GPR174: variants seen among roughly 807,000 people sequenced by gnomAD.
The protein encoded by GPR174 is probable G protein-coupled receptor 174.
In GPR174, 8 loss-of-function variants were observed where a neutral mutation model predicts 16.5. The ratio of observed to expected loss-of-function variants is 0.48; its 90% CI spans 0.28 to 0.87. The LOEUF (loss-of-function observed/expected upper bound fraction) is 0.87. GPR174 is among the 40% of genes least tolerant of loss of function. GPR174 has a pLI of 0.09. For synonymous variants in GPR174, 111 were observed against 94.8 expected, an observed-to-expected ratio of 1.17 and a Z score of -0.99; for missense variants, 214 against 247.5, an observed-to-expected ratio of 0.86 and a Z score of 0.91.
intron 2 of GPR174, among the ~76,000 whole-genome samples, chrX:79,164,330 A>T (rs1226701409): frequency 8.9e-6 from 1 of 111,839 alleles, no homozygotes; most frequent in Non-Finnish European, 1.9e-5. Context: ...ACCATGTAGG[A>T]GATGCATTAG....
chrX:79,153,112 G>T (rs1368530120), intron 1 of GPR174, among the ~76,000 whole-genome samples: 1 of 112,325 alleles, frequency 8.9e-6, no homozygotes, highest in Non-Finnish European at 1.9e-5. Flanking sequence ...CAGAAATGCT[G>T]TATGGAATAG....
chrX:79,166,948 C>G (rs1203645829), intron 2 of GPR174, among the ~76,000 whole-genome samples: 1 of 111,597 alleles, frequency 9.0e-6, no homozygotes, highest in Non-Finnish European at 1.9e-5. Context: ...CACAAATAAA[C>G]TGCTTTGGGA....
At chrX:79,166,734 C>T (rs1176448261) in intron 2 of GPR174, among the ~76,000 whole-genome samples, 1 of 110,703 alleles carries the variant, frequency 9.0e-6, no homozygotes, top group East Asian at 2.8e-4. Context: ...TGCGCCCGGC[C>T]TAAAGGGTTC....
intron 2 of GPR174, among the ~76,000 whole-genome samples, chrX:79,158,793 A>C (rs1223673166): frequency 5.6e-5 from 6 of 106,246 alleles, no homozygotes; most frequent in African/African-American, 1.0e-4. Context: ...AAAAAAAAAA[A>C]CAGTTAAAAA....
intron 2 of GPR174, among the ~76,000 whole-genome samples, chrX:79,168,821 A>T (rs1602343689): frequency 9.0e-6 from 1 of 111,210 alleles, no homozygotes; most frequent in East Asian, 2.8e-4. Flanking sequence ...GAAGGGAGAA[A>T]GTTTTAAGGT....
chrX:79,151,213 C>A (rs1401348908), intron 1 of GPR174, among the ~76,000 whole-genome samples: 1 of 111,201 alleles, frequency 9.0e-6, no homozygotes, highest in Non-Finnish European at 1.9e-5. Flanking sequence ...GTACACTTAA[C>A]GATATACTAA....
chrX:79,147,717 G>T (rs965288730), intron 1 of GPR174, among the ~76,000 whole-genome samples: 1 of 110,738 alleles, frequency 9.0e-6, no homozygotes, highest in Non-Finnish European at 1.9e-5. Context: ...AGGGTATCTT[G>T]TCTGACAGAA....
chrX:79,148,724 T>C (rs775352612), intron 1 of GPR174, among the ~76,000 whole-genome samples: 1 of 111,367 alleles, frequency 9.0e-6, no homozygotes, highest in East Asian at 2.8e-4. Flanking sequence ...TTTTGACTCG[T>C]CTGGAACTCC....
chrX:79,157,994 C>T (rs1263151077), intron 2 of GPR174, among the ~76,000 whole-genome samples: 3 of 108,001 alleles, frequency 2.8e-5, no homozygotes, highest in Non-Finnish European at 3.9e-5. Flanking sequence ...ACTCCTGTAG[C>T]GCACATATCC....
chrX:79,166,495 G>C (rs1286223443), intron 2 of GPR174, among the ~76,000 whole-genome samples: 1 of 80,504 alleles, frequency 1.2e-5, no homozygotes, highest in Non-Finnish European at 2.2e-5. Flanking sequence ...CTGGAGTGCA[G>C]TGGCTCGATC....
At chrX:79,166,655 T>G (rs994231397) in intron 2 of GPR174, among the ~76,000 whole-genome samples, 2 of 108,508 alleles carry the variant, frequency 1.8e-5, no homozygotes, top group African/African-American at 3.4e-5. Context: ...GCCAGGATGG[T>G]CTCAATCCTG....
intron 2 of GPR174, among the ~76,000 whole-genome samples, chrX:79,166,678 G>C (rs1490256294): frequency 9.2e-6 from 1 of 108,777 alleles, no homozygotes; most frequent in Non-Finnish European, 1.9e-5. Flanking sequence ...CCCGTGATCC[G>C]CCAGACTTGG....
At position 79,145,004 on chromosome X, in the gene GPR174, C is replaced by CTCTTTCTTTCTT. The variant is rs869067550; in HGVS notation, c.-817_-806dup. On this transcript the variant is annotated 5_prime_UTR_variant, in exon 1 of 3. Coordinates refer to ENST00000645147, the MANE Select transcript of GPR174 (RefSeq NM_032553.3). ...TTTCTTTCTTTCTTTCTCTCTCTCT[C>CTCTTTCTTTCTT]TCTTTCTTTCTTTCTTTCTTTCTTT... 5 of 49,491 alleles carry CTCTTTCTTTCTT rather than the reference C, an allele frequency of 1.0e-4. No homozygotes were observed. Among genetic ancestry groups the CTCTTTCTTTCTT allele is most frequent in the African/African-American group, 1.9e-4 (3 of 15,601 alleles). The allele number at this position is 49,491 out of a possible 1,213,427, so 4.1% of individuals were successfully genotyped here.
chrX:79,159,683 TG>T (rs1303374100), intron 2 of GPR174, among the ~76,000 whole-genome samples: 1 of 111,857 alleles, frequency 8.9e-6, no homozygotes, highest in African/African-American at 3.2e-5. Flanking sequence ...ATGTTCTTTT[TG>T]CCTACTATAA....
intron 2 of GPR174, among the ~76,000 whole-genome samples, chrX:79,161,878 T>A (rs928741032): frequency 2.7e-5 from 3 of 111,379 alleles, no homozygotes; most frequent in African/African-American, 9.8e-5. Context: ...CAAAGAAGTG[T>A]GGTCTACTCC....
intron 1 of GPR174, among the ~76,000 whole-genome samples, chrX:79,145,450 TAA>T (rs1926480936): frequency 9.0e-6 from 1 of 111,553 alleles, no homozygotes; most frequent in Non-Finnish European, 1.9e-5. Flanking sequence ...TGGGAAAATA[TAA>T]GTTTGACATG....
intron 1 of GPR174, among the ~76,000 whole-genome samples, chrX:79,151,605 G>T (rs1352870858): frequency 9.0e-6 from 1 of 111,616 alleles, no homozygotes; most frequent in Non-Finnish European, 1.9e-5. Context: ...AAGAGAGTTG[G>T]TAATAGAAGA....
intron 2 of GPR174, among the ~76,000 whole-genome samples, chrX:79,166,676 C>A (rs1025747919): frequency 1.8e-5 from 2 of 108,942 alleles, no homozygotes; most frequent in Non-Finnish European, 3.8e-5. Context: ...ACCCCGTGAT[C>A]CGCCAGACTT....
intron 2 of GPR174, among the ~76,000 whole-genome samples, chrX:79,168,447 C>G (rs1921428678): frequency 1.8e-5 from 2 of 111,156 alleles, no homozygotes; most frequent in South Asian, 7.6e-4. Context: ...GGGCACAATC[C>G]CAACACTTTG....
Sources: allele counts gnomAD v4.1 joint callset (sites outside exome capture counted in the v4.1 genomes callset), GRCh38; gene constraint gnomAD v4.1.1; transcripts MANE v1.5; gene names NCBI Gene and HGNC (gene_info 2026-07-23, HGNC 2026-07-21).